The following PTPRU variants were observed in gnomAD, a reference collection of about 807,000 sequenced individuals.
PTPRU encodes protein tyrosine phosphatase receptor type U, also known as receptor-type tyrosine-protein phosphatase U.
A neutral mutation model predicts 166.3 loss-of-function variants in PTPRU; 69 were observed. That is an observed-to-expected ratio of 0.41 (90% CI 0.34 to 0.51). The LOEUF is 0.51. Among genes scored for constraint, PTPRU ranks in the 20% least tolerant of loss-of-function variants. The pLI, the probability that PTPRU is intolerant of heterozygous loss-of-function variation, is 0.09. For missense variants in PTPRU, 1,657 were observed against 2,013.7 expected (o/e 0.82, Z 3.39); for synonymous variants, 793 against 814.0 (o/e 0.97, Z 0.44).
At chr1:29,255,253 T>C (rs373982933) in intron 1 of PTPRU, 22 bp from the exon 2 acceptor site, 12 of 1,609,968 alleles carry the variant, frequency 7.5e-6, no homozygotes, top group Non-Finnish European at 9.3e-6. Context: ...TAGCCTGGGC[T>C]AACCAGGCCC....
In PTPRU at chr1:29,238,740, T is replaced by C. The variant is rs12048461; in HGVS notation, c.73+2023T>C. On this transcript the variant is annotated intron_variant, in intron 1 of 29. Transcript: ENST00000373779. The surrounding 1 kb of genome is among the most constrained non-coding windows in gnomAD (Gnocchi z 6.1). Reference sequence around the variant, plus strand: ...GCAACTTTGCCTCCCTCTCCCACCGTGAAATCAAACCCGCGGGGTTCTGTA... The same window carrying C: ...GCAACTTTGCCTCCCTCTCCCACCGCGAAATCAAACCCGCGGGGTTCTGTA... Among the ~76,000 whole-genome samples the C allele has an allele frequency of 1.8e-4, 28 of 152,146 alleles. No individual in the cohort carries two copies. The East Asian group carries it at 5.4e-3, about 30-fold the overall frequency.
chr1:29,278,387 T>G (rs990925206), intron 8 of PTPRU, among the ~76,000 whole-genome samples: 2 of 152,216 alleles, frequency 1.3e-5, no homozygotes, highest in African/African-American at 4.8e-5. Context: ...ATTCTCTTCC[T>G]AAATGACACT....
intron 14 of PTPRU, among the ~76,000 whole-genome samples, chr1:29,286,402 A>G (rs1686350968): frequency 6.6e-6 from 1 of 152,080 alleles, no homozygotes; most frequent in African/African-American, 2.4e-5. Flanking sequence ...TTGGATCTTG[A>G]CTGACTCCCT....
At chr1:29,287,531 C>T (rs909984415) in intron 14 of PTPRU, among the ~76,000 whole-genome samples, 5 of 151,270 alleles carry the variant, frequency 3.3e-5, no homozygotes, top group Admixed American at 6.6e-5. Flanking sequence ...GGGTGCTTCC[C>T]GGTGCTGAGG....
At chr1:29,309,262 A>C (rs566719280) in intron 18 of PTPRU, among the ~76,000 whole-genome samples, 1 of 152,130 alleles carries the variant, frequency 6.6e-6, no homozygotes, top group Non-Finnish European at 1.5e-5. Context: ...CTGGTGATGC[A>C]TAATCCCGGG....
chr1:29,310,469 G>T (rs1427263789), intron 18 of PTPRU, among the ~76,000 whole-genome samples: 1 of 152,120 alleles, frequency 6.6e-6, no homozygotes, highest in Admixed American at 6.5e-5. Context: ...TGGGTGGGGG[G>T]TCCCTCTAGG....
rs752974207 is a variant in PTPRU at position 29,323,514 on chromosome 1, C to A, written c.3954+18C>A. ...TCTCTCGGGTGAGTGGTCTGAGGAG[C>A]CCCAGGGAAGGACCCTGGGTGGTGG... On this transcript the variant is annotated intron_variant, in intron 27 of 29. Coordinates refer to ENST00000373779, the MANE Select transcript of PTPRU (RefSeq NM_133178.4). The A allele has an allele frequency of 1.2e-6, 2 of 1,611,556 alleles. No individual in the cohort carries two copies. Among genetic ancestry groups the A allele is most frequent in the Non-Finnish European group, 1.7e-6 (2 of 1,178,934 alleles).
At chr1:29,289,168 C>T (rs1330991360) in intron 14 of PTPRU, among the ~76,000 whole-genome samples, 1 of 152,106 alleles carries the variant, frequency 6.6e-6, no homozygotes, top group Non-Finnish European at 1.5e-5. Flanking sequence ...CCCTGGTAAG[C>T]ACAGTTAGCC....
chr1:29,304,111 A>T, intron 16 of PTPRU, 66 bp downstream of exon 16: 3 of 1,529,440 alleles, frequency 2.0e-6, no homozygotes, highest in Non-Finnish European at 2.7e-6. Context: ...CTCTCTGTGG[A>T]CTCTGACCCT....
In PTPRU at chr1:29,258,491, TC is replaced by T. The variant is rs1192974056; in HGVS notation, c.206-12del. 6.2e-7 allele frequency: 1 copy of T among 1,610,544 alleles called. No individual in the cohort carries two copies. Among genetic ancestry groups the T allele is most frequent in the African/African-American group, 1.3e-5 (1 of 74,860 alleles). On this transcript the variant is annotated splice_polypyrimidine_tract_variant and intron_variant, in intron 2 of 29. Coordinates refer to ENST00000373779, the MANE Select transcript of PTPRU (RefSeq NM_133178.4). ...GGTCTCCTCATCTCCTGCCTCTTCC[TC>T]CTCTCTTTCCAGGCTCCTACTTGAT...
At chr1:29,243,490 C>T (rs1684147678) in intron 1 of PTPRU, among the ~76,000 whole-genome samples, 1 of 152,246 alleles carries the variant, frequency 6.6e-6, no homozygotes, top group Admixed American at 6.5e-5. Flanking sequence ...CACCTCTCTA[C>T]CTTTGCACAC....
rs1354232011 is a variant in PTPRU, at chr1:29,238,365, C to G, written c.73+1648C>G. ...GGGCCCTGCTCCGGGTGACCTCCCC[C>G]GCCCTCGCCACCGGCGGGGCTGCTC... On this transcript the variant is annotated intron_variant, in intron 1 of 29. Coordinates refer to ENST00000373779, the MANE Select transcript of PTPRU (RefSeq NM_133178.4). This position sits in a 1 kb window ranked among gnomAD's most constrained non-coding sequence, Gnocchi z 6.1. 1.3e-5 allele frequency among the ~76,000 whole-genome samples: 2 copies of G among 152,016 alleles called. No homozygotes were observed. Among genetic ancestry groups the G allele is most frequent in the Non-Finnish European group, 2.9e-5 (2 of 67,984 alleles).
At position 29,260,536 on chromosome 1, in the gene PTPRU, G is replaced by T; in HGVS notation, c.851-74G>T. 1 of 1,157,810 alleles carries T rather than the reference G, an allele frequency of 8.6e-7. No individual in the cohort carries two copies. The highest frequency in any genetic ancestry group is 1.2e-6 in the Non-Finnish European group (1 of 849,056). 71.7% of individuals were successfully genotyped at this position (1,157,810 alleles called of 1,614,324 possible). On this transcript the variant is annotated intron_variant, in intron 6 of 29. Transcript: ENST00000373779. This position sits in a 1 kb window ranked among gnomAD's most constrained non-coding sequence, Gnocchi z 8.3. ...GAGGACGGAGAGGGATTTGGGTGTG[G>T]TGGAACTCAGAGTTGGGTGCTGGGG...
At chr1:29,267,010 A>G (rs1340205736) in intron 7 of PTPRU, among the ~76,000 whole-genome samples, 1 of 152,158 alleles carries the variant, frequency 6.6e-6, no homozygotes, top group Non-Finnish European at 1.5e-5. Context: ...GGAATGCTTG[A>G]GGCAAGGAGT....
intron 15 of PTPRU, among the ~76,000 whole-genome samples, chr1:29,295,122 C>T (rs1574680537): frequency 6.6e-6 from 1 of 152,082 alleles, no homozygotes. Flanking sequence ...CTGCAACCTT[C>T]GTCTTCCGGG....
rs1686621138 is a variant in PTPRU at position 29,291,348 on chromosome 1, C to G, written c.2319-521C>G. Among the ~76,000 whole-genome samples the G allele has an allele frequency of 6.6e-6, 1 of 151,932 alleles. No individual in the cohort carries two copies. Among genetic ancestry groups the G allele is most frequent in the African/African-American group, 2.4e-5 (1 of 41,240 alleles). ...CCCCCGAGCTCTGGCTGAGCACAAGCTAGACTCTCTGCGGGGAAGGAGGGG... is the reference window on the plus strand; with the variant it reads ...CCCCCGAGCTCTGGCTGAGCACAAGGTAGACTCTCTGCGGGGAAGGAGGGG... On this transcript the variant is annotated intron_variant, in intron 14 of 29. Transcript: ENST00000373779. The surrounding 1 kb of genome is among the most constrained non-coding windows in gnomAD (Gnocchi z 4.1).
intron 15 of PTPRU, 45 bp downstream of exon 15, chr1:29,292,071 C>T: frequency 6.2e-7 from 1 of 1,605,260 alleles, no homozygotes; most frequent in Non-Finnish European, 8.5e-7. Flanking sequence ...CTCTGGGGCT[C>T]CCAACCTGAG....
chr1:29,253,758 T>G (rs952169240), intron 1 of PTPRU, among the ~76,000 whole-genome samples: 4 of 152,048 alleles, frequency 2.6e-5, no homozygotes, highest in African/African-American at 9.6e-5. Context: ...CCTCTTTTGG[T>G]GGGAAGCTTG....
chr1:29,289,655 G>A (rs375316158), intron 14 of PTPRU: 2 of 1,613,912 alleles, frequency 1.2e-6, no homozygotes, highest in East Asian at 2.2e-5. Context: ...GGACACAACT[G>A]TGCTGTTCTC....
Sources: allele counts gnomAD v4.1 joint callset (sites outside exome capture counted in the v4.1 genomes callset), GRCh38; gene constraint gnomAD v4.1.1; non-coding constraint Gnocchi (gnomAD v3.1); transcripts MANE v1.5; gene names NCBI Gene and HGNC (gene_info 2026-07-23, HGNC 2026-07-21).